Variants in ABCA13 observed in about 807,000 individuals in gnomAD.
ABCA13 encodes ATP binding cassette subfamily A member 13.
In ABCA13, 476 loss-of-function variants were observed where a neutral mutation model predicts 478.7. The ratio of observed to expected loss-of-function variants is 0.99; its 90% CI spans 0.92 to 1.07. ABCA13 has a LOEUF of 1.07. Among genes scored for constraint, ABCA13 ranks in the 50% least tolerant of loss-of-function variants. The pLI is 0.00. For missense variants in ABCA13, 6,060 were observed against 5,910.6 expected, an observed-to-expected ratio of 1.03 and a Z score of -0.83; for synonymous variants, 2,252 against 2,158.9, an observed-to-expected ratio of 1.04 and a Z score of -1.20.
intron 42 of ABCA13, among the ~76,000 whole-genome samples, chr7:48,436,348 T>C (rs1220929291): frequency 6.6e-6 from 1 of 151,646 alleles, no homozygotes; most frequent in East Asian, 1.9e-4. Context: ...TCTTTTTGTT[T>C]CCGTAAAATT....
At chr7:48,539,065 A>C (rs765304756) in intron 55 of ABCA13, among the ~76,000 whole-genome samples, 13 of 152,126 alleles carry the variant, frequency 8.5e-5, no homozygotes, top group South Asian at 8.3e-4. Flanking sequence ...ACAGGAGATG[A>C]TGTTCTCTTT....
At chr7:48,547,911 C>A (rs184315848) in intron 55 of ABCA13, among the ~76,000 whole-genome samples, 28 of 151,958 alleles carry the variant, frequency 1.8e-4, no homozygotes, top group Admixed American at 6.6e-4. Flanking sequence ...TTTAAACTTA[C>A]AATAGGTTTA....
chr7:48,514,459 A>T, intron 51 of ABCA13, among the ~76,000 whole-genome samples: 1 of 152,198 alleles, frequency 6.6e-6, no homozygotes, highest in African/African-American at 2.4e-5. Context: ...GCTGTTCCAG[A>T]ATATAGAGTT....
intron 35 of ABCA13, among the ~76,000 whole-genome samples, chr7:48,383,581 C>T (rs149726644): frequency 1.1e-4 from 16 of 152,290 alleles, no homozygotes; most frequent in Admixed American, 4.6e-4. Flanking sequence ...CCTTATTTCA[C>T]CTTTAGAATG....
Position 48,277,324 on chromosome 7 carries a change from A to G in ABCA13, c.6899+759A>G, listed in dbSNP as rs559050914. On this transcript the variant is annotated intron_variant, in intron 17 of 61. Transcript: ENST00000435803. ...GTGGTCAGGAAGGAAGACCAGGGGAAGGGAGAGCCACTGACTATGAATACC... is the reference window on the plus strand; with the variant it reads ...GTGGTCAGGAAGGAAGACCAGGGGAGGGGAGAGCCACTGACTATGAATACC... 5.3e-5 allele frequency among the ~76,000 whole-genome samples: 8 copies of G among 152,320 alleles called. No individual in the cohort carries two copies. In the East Asian group the frequency reaches 1.5e-3, roughly 29 times the overall value.
chr7:48,427,827 CAG>C lies in ABCA13; in HGVS notation c.12524_12525del (p.Glu4175AlafsTer114). 2 of 1,611,674 alleles carry C rather than the reference CAG, an allele frequency of 1.2e-6. No individual in the cohort carries two copies. Among genetic ancestry groups the C allele is most frequent in the Non-Finnish European group, 1.7e-6 (2 of 1,178,786 alleles). On this transcript the variant is annotated frameshift_variant, in exon 42 of 62. Transcript: ENST00000435803. LOFTEE classifies it high-confidence loss of function. Reference sequence around the variant, plus strand: ...TCTCACATTGCCCTGGGGACTGAGTCAGAGCTGCAGAACCACAGGCCTACAGG... The same window carrying C: ...TCTCACATTGCCCTGGGGACTGAGTCAGCTGCAGAACCACAGGCCTACAGG...
intron 57 of ABCA13, among the ~76,000 whole-genome samples, chr7:48,591,616 C>T (rs1194705960): frequency 6.6e-6 from 1 of 151,920 alleles, no homozygotes; most frequent in Non-Finnish European, 1.5e-5. Context: ...ACATGGATAG[C>T]TCTCCATTTA....
At position 48,471,601 on chromosome 7, in the gene ABCA13, T is replaced by C; in HGVS notation, c.12975+2T>C. 6.4e-7 allele frequency: 1 copy of C among 1,560,122 alleles called. No homozygotes were observed. The highest frequency in any genetic ancestry group is 8.7e-7 in the Non-Finnish European group (1 of 1,150,328). Reference sequence around the variant, plus strand: ...TTCCAGGATTCATGTGGCTGCCTGGTAGGTTTCTGCAGCATTTTTGATCTT... The same window carrying C: ...TTCCAGGATTCATGTGGCTGCCTGGCAGGTTTCTGCAGCATTTTTGATCTT... On this transcript the variant is annotated splice_donor_variant, in intron 45 of 61. Coordinates refer to ENST00000435803, the MANE Select transcript of ABCA13 (RefSeq NM_152701.5). LOFTEE classifies it high-confidence loss of function.
At chr7:48,328,044 G>A (rs1252995389) in intron 27 of ABCA13, among the ~76,000 whole-genome samples, 7 of 152,114 alleles carry the variant, frequency 4.6e-5, no homozygotes, top group African/African-American at 9.7e-5. Context: ...GTCATTAAAC[G>A]GACACAAAGC....
chr7:48,274,956 A>C lies in ABCA13; in HGVS notation c.5290A>C (p.Asn1764His). The change falls in exon 17 of 62, where the codon AAC becomes CAC. Residue 1764 changes from asparagine (N) to histidine (H), a missense_variant. This residue lies in a region of ABCA13 where 4,423 missense variants were observed against 4,309.1 expected (regional missense o/e 1.03). Transcript: ENST00000435803. ...VRLLQGVPGKNITEGLKDVYS... is the reference protein window; with the variant it reads ...VRLLQGVPGKHITEGLKDVYS... ...GCTCCTGCAGGGAGTACCTGGTAAAAACATCACTGAAGGCCTCAAGGATGT... is the reference window on the plus strand; with the variant it reads ...GCTCCTGCAGGGAGTACCTGGTAAACACATCACTGAAGGCCTCAAGGATGT... 2.5e-6 allele frequency: 4 copies of C among 1,613,788 alleles called. No homozygotes were observed. The highest frequency in any genetic ancestry group is 2.2e-5 in the South Asian group (2 of 91,082).
chr7:48,201,222 C>CGT (rs1454404353), intron 3 of ABCA13, among the ~76,000 whole-genome samples: 2 of 152,192 alleles, frequency 1.3e-5, no homozygotes, highest in African/African-American at 4.8e-5. Context: ...TGAGCAAAGG[C>CGT]GTGTCTAAAC....
intron 31 of ABCA13, among the ~76,000 whole-genome samples, chr7:48,360,927 C>G (rs1374505930): frequency 6.6e-6 from 1 of 151,748 alleles, no homozygotes; most frequent in Non-Finnish European, 1.5e-5. Context: ...AAGACCCCAT[C>G]TCTACAGAAA....
At chr7:48,295,901 T>A in intron 21 of ABCA13, 38 bp downstream of exon 21, 1 of 1,560,616 alleles carries the variant, frequency 6.4e-7, no homozygotes, top group Non-Finnish European at 8.7e-7. Flanking sequence ...CCCCAGTACT[T>A]CCATTCATAG....
intron 7 of ABCA13, among the ~76,000 whole-genome samples, chr7:48,232,139 A>ATTTTTTTGTTTTTTTTTTTTTTT (rs1789204218): frequency 1.9e-5 from 1 of 51,318 alleles, no homozygotes; most frequent in African/African-American, 8.0e-5. Flanking sequence ...CCCACATGGA[A>ATTTTTTTGTTTTTTTTTTTTTTT]TTTTTTTTTT....
chr7:48,626,913 A>G (rs1321552797), intron 59 of ABCA13: 1 of 985,336 alleles, frequency 1.0e-6, no homozygotes, highest in Non-Finnish European at 1.2e-6. Flanking sequence ...CTATGGCAAG[A>G]AGCAGGAGAG....
At chr7:48,482,850 C>T (rs1241262662) in intron 46 of ABCA13, among the ~76,000 whole-genome samples, 1 of 152,224 alleles carries the variant, frequency 6.6e-6, no homozygotes, top group Non-Finnish European at 1.5e-5. Context: ...GCCTTATCCA[C>T]ACCTTCTCAA....
intron 50 of ABCA13, 101 bp downstream of exon 50, chr7:48,508,150 G>C (rs1008664879): frequency 1.5e-4 from 215 of 1,455,430 alleles, no homozygotes; most frequent in Non-Finnish European, 1.8e-4. Context: ...GGCTGCCTTG[G>C]AGTGTCCACA....
chr7:48,567,203 C>T lies in ABCA13; in HGVS notation c.14355-13021C>T, dbSNP rs11975848. Among the ~76,000 whole-genome samples the T allele has an allele frequency of 4.9e-3, 739 of 152,160 alleles. 3 individuals are homozygous for T. The highest frequency in any genetic ancestry group is 0.013 in the African/African-American group (554 of 41,526). ...AGGCAGCTGTCATTGAACTGGATGA[C>T]GGGTTGCTTTGAAGGCAGAAAGACC... On this transcript the variant is annotated intron_variant, in intron 55 of 61. Coordinates refer to ENST00000435803, the MANE Select transcript of ABCA13 (RefSeq NM_152701.5).
rs199751303 is a variant in ABCA13 at position 48,245,876 on chromosome 7, A to G, written c.1505A>G (p.Asn502Ser). Residue 502 changes from asparagine (N) to serine (S), a missense_variant, in exon 13 of 62, where the codon AAT becomes AGT. Asn to Ser is a conservative substitution (Grantham distance 46). Coordinates refer to ENST00000435803, the MANE Select transcript of ABCA13 (RefSeq NM_152701.5). ...TTAATCTTTTAGATGTTGGCGAAGA[A>G]TGCTGTCTGCCCGAATGGTCGTTTC... is the stretch of plus-strand genomic sequence containing the variant. The part of the protein sequence containing the change: ...FWELKQMLAK[N>S]AVCPNGRFSE... 4 of 1,612,758 alleles carry G rather than the reference A, an allele frequency of 2.5e-6. No individual in the cohort carries two copies. The African/African-American group carries it at 5.3e-5, about 22-fold the overall frequency.
Sources: gnomAD v4.1 joint callset for allele counts (sites outside exome capture counted in the v4.1 genomes callset) on GRCh38, gnomAD v4.1.1 for gene constraint, gnomAD v4.1.1 regional missense constraint, MANE v1.5 for transcripts, NCBI Gene and HGNC (gene_info 2026-07-23, HGNC 2026-07-21) for gene names.